Variants in NRXN3 observed in about 807,000 individuals in gnomAD.
NRXN3 encodes the protein neurexin 3, also known as neurexin III.
A neutral mutation model predicts 137.6 loss-of-function variants in NRXN3; 32 were observed. The observed-to-expected ratio is 0.23, with a 90% confidence interval of 0.18 to 0.31. NRXN3 has a LOEUF of 0.31. NRXN3 is among the 10% of genes least tolerant of loss of function. NRXN3 has a pLI of 1.00. For synonymous variants in NRXN3, 798 were observed against 784.5 expected (o/e 1.02, Z -0.29); for missense variants, 1,574 against 2,062.5 (o/e 0.76, Z 4.59).
intron 19 of NRXN3, among the ~76,000 whole-genome samples, chr14:79,761,026 TGTGAA>T (rs1345152867): frequency 6.6e-6 from 1 of 151,628 alleles, no homozygotes; most frequent in Non-Finnish European, 1.5e-5. Context: ...TTTAATACTT[TGTGAA>T]GTGATCATGA....
chr14:78,277,822 G>T (rs890787240), intron 2 of NRXN3, among the ~76,000 whole-genome samples: 1 of 152,166 alleles, frequency 6.6e-6, no homozygotes, highest in Non-Finnish European at 1.5e-5. Flanking sequence ...GGCGCGAACC[G>T]TTCTTCATTT....
rs185070924 is a variant in NRXN3 at position 78,262,576 on chromosome 14, T to C, written c.710-16069T>C. 9.5e-4 allele frequency among the ~76,000 whole-genome samples: 145 copies of C among 152,242 alleles called. 3 individuals are homozygous for C. Among genetic ancestry groups the C allele is most frequent in the African/African-American group, 3.4e-3 (142 of 41,538 alleles). On this transcript the variant is annotated intron_variant, in intron 2 of 20. Transcript: ENST00000335750. ...CCACCCATAGTGCCATAGATCAGCC[T>C]GAAAATTCCCAAATAGCTTCTCCTC...
chr14:79,561,940 T>C (rs1184448209), intron 16 of NRXN3, among the ~76,000 whole-genome samples: 4 of 152,196 alleles, frequency 2.6e-5, no homozygotes, highest in Non-Finnish European at 1.5e-5. Flanking sequence ...CCCTATAACA[T>C]TCATCTGCAT....
chr14:78,378,478 C>A (rs2088335470), intron 4 of NRXN3, among the ~76,000 whole-genome samples: 1 of 51,506 alleles, frequency 1.9e-5, no homozygotes. Flanking sequence ...GAACAGGATT[C>A]TGTCTCAAAA....
chr14:78,195,773 G>A (rs887958203), intron 1 of NRXN3, among the ~76,000 whole-genome samples: 8 of 152,310 alleles, frequency 5.3e-5, no homozygotes, highest in Admixed American at 2.0e-4. Flanking sequence ...CCAGCAAAGT[G>A]GAAGAGACCT....
chr14:79,783,808 A>G (rs1261288691), intron 19 of NRXN3, among the ~76,000 whole-genome samples: 4 of 152,324 alleles, frequency 2.6e-5, no homozygotes, highest in Admixed American at 1.3e-4. Flanking sequence ...TTGTGAGGAC[A>G]GTGAATCCTA....
In NRXN3 at chr14:79,381,576, G is replaced by A. The variant is rs537670600; in HGVS notation, c.3263-85645G>A. On this transcript the variant is annotated intron_variant, in intron 15 of 20. Transcript: ENST00000335750. ...CAGTACCCCTGAAAAATGGGAAATT[G>A]TATTTTTTTCTTCTTTGTACCCAGG... 4.6e-5 allele frequency among the ~76,000 whole-genome samples: 7 copies of A among 152,210 alleles called. No individual in the cohort carries two copies. In the South Asian group the frequency reaches 1.5e-3, roughly 32 times the overall value.
chr14:78,705,228 C>G (rs943235752), intron 6 of NRXN3, among the ~76,000 whole-genome samples: 3 of 152,226 alleles, frequency 2.0e-5, no homozygotes, highest in African/African-American at 7.2e-5. Context: ...ACATCTCTTC[C>G]TATTTCAGCC....
chr14:79,110,022 T>C (rs1222247792), intron 15 of NRXN3, among the ~76,000 whole-genome samples: 1 of 152,164 alleles, frequency 6.6e-6, no homozygotes, highest in Admixed American at 6.5e-5. Context: ...AAATTAAAAA[T>C]TTCCTACTCT....
At chr14:78,923,747 C>T (rs1282028402) in intron 10 of NRXN3, among the ~76,000 whole-genome samples, 2 of 152,160 alleles carry the variant, frequency 1.3e-5, no homozygotes, top group African/African-American at 4.8e-5. Context: ...TGTGCTAAGG[C>T]TTTTATAAGC....
At chr14:79,386,859 C>T (rs1222306204) in intron 15 of NRXN3, among the ~76,000 whole-genome samples, 1 of 152,158 alleles carries the variant, frequency 6.6e-6, no homozygotes. Context: ...GGAAAGGATT[C>T]CCTATTTAAT....
At chr14:79,415,466 T>A (rs552614815) in intron 15 of NRXN3, among the ~76,000 whole-genome samples, 1 of 152,094 alleles carries the variant, frequency 6.6e-6, no homozygotes, top group South Asian at 2.1e-4. Context: ...TATGCTTAGG[T>A]TTTATGCAAA....
At chr14:79,754,215 G>A (rs1245086955) in intron 19 of NRXN3, among the ~76,000 whole-genome samples, 4 of 151,854 alleles carry the variant, frequency 2.6e-5, no homozygotes, top group Non-Finnish European at 5.9e-5. Flanking sequence ...GGTGGCACAT[G>A]GCTGTAATCC....
chr14:79,500,805 T>C (rs1406136233), intron 16 of NRXN3, among the ~76,000 whole-genome samples: 1 of 152,204 alleles, frequency 6.6e-6, no homozygotes, highest in Non-Finnish European at 1.5e-5. Context: ...TAGAACTAAA[T>C]ATACACCATC....
intron 15 of NRXN3, among the ~76,000 whole-genome samples, chr14:79,354,835 C>T (rs1471322645): frequency 6.6e-6 from 1 of 152,140 alleles, no homozygotes; most frequent in East Asian, 1.9e-4. Context: ...CTCCAAAGAA[C>T]ATTTTGCTAA....
intron 19 of NRXN3, chr14:79,760,656 A>G (rs1361364508): frequency 1.3e-5 from 2 of 151,600 alleles, no homozygotes; most frequent in Admixed American, 6.6e-5. Flanking sequence ...ACCCGGGATG[A>G]ATTGCTCAGT....
chr14:79,542,427 C>T (rs2097282022), intron 16 of NRXN3, among the ~76,000 whole-genome samples: 1 of 152,168 alleles, frequency 6.6e-6, no homozygotes, highest in African/African-American at 2.4e-5. Context: ...TCTTTCTTAG[C>T]CTACGTGAAC....
chr14:78,952,131 G>A (rs17835890), intron 10 of NRXN3, among the ~76,000 whole-genome samples: 2,188 of 152,230 alleles, frequency 0.014, 34 homozygotes, highest in Admixed American at 0.019. Flanking sequence ...GTTGTAGGAG[G>A]TATGGCAGCT....
At chr14:78,538,589 A>C (rs1411567953) in intron 4 of NRXN3, among the ~76,000 whole-genome samples, 1 of 152,172 alleles carries the variant, frequency 6.6e-6, no homozygotes, top group African/African-American at 2.4e-5. Flanking sequence ...TCATTGTGTA[A>C]TTGAATACAG....
Sources: allele counts gnomAD v4.1 joint callset (sites outside exome capture counted in the v4.1 genomes callset), GRCh38; gene constraint gnomAD v4.1.1; transcripts MANE v1.5; gene names NCBI Gene and HGNC (gene_info 2026-07-23, HGNC 2026-07-21).